DSCAM: variants seen among roughly 807,000 people sequenced by gnomAD.
DSCAM encodes the protein DS cell adhesion molecule.
In DSCAM, 47 loss-of-function variants were observed where a neutral mutation model predicts 217.7. That is an observed-to-expected ratio of 0.22 (90% CI 0.17 to 0.28). The LOEUF is 0.28. Among genes scored for constraint, DSCAM ranks in the 10% least tolerant of loss-of-function variants. The pLI, the probability that DSCAM is intolerant of heterozygous loss-of-function variation, is 1.00. For missense variants in DSCAM, 2,080 were observed against 2,618.3 expected (o/e 0.79, Z 4.49); for synonymous variants, 1,056 against 1,015.3 (o/e 1.04, Z -0.76).
At chr21:40,506,770 G>A (rs1389666159) in intron 3 of DSCAM, among the ~76,000 whole-genome samples, 1 of 152,156 alleles carries the variant, frequency 6.6e-6, no homozygotes, top group Non-Finnish European at 1.5e-5. Context: ...GGAAACATCA[G>A]ATTGGTGGTT....
At chr21:40,199,576 T>C (rs1207812597) in intron 11 of DSCAM, among the ~76,000 whole-genome samples, 1 of 152,232 alleles carries the variant, frequency 6.6e-6, no homozygotes, top group Non-Finnish European at 1.5e-5. Context: ...ATCACCACAC[T>C]GTTTTCCACA....
chr21:40,478,889 A>C (rs1237916267), intron 3 of DSCAM, among the ~76,000 whole-genome samples: 1 of 152,252 alleles, frequency 6.6e-6, no homozygotes, highest in Non-Finnish European at 1.5e-5. Context: ...ATTAACAACA[A>C]TAAATAATAA....
chr21:40,741,515 G>A (rs2146543464), intron 1 of DSCAM, among the ~76,000 whole-genome samples: 1 of 146,882 alleles, frequency 6.8e-6, no homozygotes, highest in South Asian at 2.5e-4. Flanking sequence ...TTACCTGAGT[G>A]ATTACTAGAA....
intron 11 of DSCAM, among the ~76,000 whole-genome samples, chr21:40,266,504 C>T (rs1000189126): frequency 6.6e-6 from 1 of 151,400 alleles, no homozygotes; most frequent in Non-Finnish European, 1.5e-5. Flanking sequence ...TACTGGGTAT[C>T]TATCCAAAGG....
At chr21:40,505,232 C>T (rs1005010202) in intron 3 of DSCAM, among the ~76,000 whole-genome samples, 3 of 152,172 alleles carry the variant, frequency 2.0e-5, no homozygotes, top group African/African-American at 4.8e-5. Context: ...TGACAGGCAG[C>T]TGGGTTCAAA....
At chr21:40,227,979 C>A (rs2091348069) in intron 11 of DSCAM, among the ~76,000 whole-genome samples, 1 of 152,198 alleles carries the variant, frequency 6.6e-6, no homozygotes, top group Admixed American at 6.5e-5. Context: ...AGCAGTTTCT[C>A]AGACTTTCTG....
rs146437441 is a variant in DSCAM at position 40,270,432 on chromosome 21, T to C, written c.2356+5665A>G. Among the ~76,000 whole-genome samples the C allele has an allele frequency of 3.0e-3, 463 of 152,230 alleles. 1 individual carries two copies. The highest frequency in any genetic ancestry group is 0.011 in the African/African-American group (448 of 41,548). On this transcript the variant is annotated intron_variant, in intron 11 of 32. Coordinates refer to ENST00000400454, the MANE Select transcript of DSCAM (RefSeq NM_001389.5). ...TGTTGCATATGTGCAGGATAAATTG[T>C]TGGGGGAGGACTGCTGGGGGTGCTG...
intron 3 of DSCAM, among the ~76,000 whole-genome samples, chr21:40,440,102 C>G (rs1012993385): frequency 6.6e-5 from 10 of 152,190 alleles, no homozygotes; most frequent in African/African-American, 2.2e-4. Flanking sequence ...GAACATGTAT[C>G]TGCACATTAA....
chr21:40,202,132 GAGA>G (rs1199712041), intron 11 of DSCAM, among the ~76,000 whole-genome samples: 1 of 152,182 alleles, frequency 6.6e-6, no homozygotes, highest in East Asian at 1.9e-4. Flanking sequence ...AGAGGACCAT[GAGA>G]AGGACAAGTC....
At chr21:40,147,908 C>T (rs2090377239) in intron 16 of DSCAM, among the ~76,000 whole-genome samples, 1 of 151,996 alleles carries the variant, frequency 6.6e-6, no homozygotes, top group South Asian at 2.1e-4. Flanking sequence ...TGTTAGACAC[C>T]TTCACAATAT....
intron 1 of DSCAM, among the ~76,000 whole-genome samples, chr21:40,808,312 C>A (rs2091806166): frequency 6.6e-6 from 1 of 151,970 alleles, no homozygotes; most frequent in Non-Finnish European, 1.5e-5. Flanking sequence ...AACATACAGA[C>A]CCAAAGTTCA....
At chr21:40,132,869 G>T (rs1398005569) in intron 19 of DSCAM, among the ~76,000 whole-genome samples, 1 of 152,146 alleles carries the variant, frequency 6.6e-6, no homozygotes, top group African/African-American at 2.4e-5. Context: ...CTAGTAGTGG[G>T]GGAGATAGCA....
chr21:40,605,323 T>C (rs1041536336), intron 3 of DSCAM, among the ~76,000 whole-genome samples: 4 of 152,180 alleles, frequency 2.6e-5, no homozygotes, highest in African/African-American at 9.7e-5. Context: ...TGGTTTGCCC[T>C]GTGACCTCAA....
Position 40,315,894 on chromosome 21 carries a change from C to T in DSCAM, c.1784-3535G>A, listed in dbSNP as rs186440236. Among the ~76,000 whole-genome samples, 31 of 152,116 alleles carry T rather than the reference C, an allele frequency of 2.0e-4. No homozygotes were observed. The East Asian group carries it at 3.1e-3, about 15-fold the overall frequency. ...GGGCTTAGTAAGAAGCCACAATTGGCAAGCAAAAGGAGGAGGGTGAGAAAC... is the reference window on the plus strand; with the variant it reads ...GGGCTTAGTAAGAAGCCACAATTGGTAAGCAAAAGGAGGAGGGTGAGAAAC... On this transcript the variant is annotated intron_variant, in intron 8 of 32. Coordinates refer to ENST00000400454, the MANE Select transcript of DSCAM (RefSeq NM_001389.5).
Position 40,012,907 on chromosome 21 carries a change from C to CTTTTTT in DSCAM, c.*121_*126dup, listed in dbSNP as rs11451228. The CTTTTTT allele has an allele frequency of 1.8e-6, 1 of 552,954 alleles. No individual in the cohort carries two copies. The highest frequency in any genetic ancestry group is 2.0e-5 in the African/African-American group (1 of 49,314). The allele number at this position is 552,954 out of a possible 1,614,324, so 34.3% of individuals were successfully genotyped here. On this transcript the variant is annotated 3_prime_UTR_variant, in exon 33 of 33. Transcript: ENST00000400454. The stretch of plus-strand genomic sequence containing the variant: ...ACTGTCTGTGGTTTCAGTATTTTCT[C>CTTTTTT]TTTTTTTTTTTTAATATATTTTGGC...
intron 3 of DSCAM, among the ~76,000 whole-genome samples, chr21:40,587,048 T>C (rs1022955808): frequency 1.9e-4 from 29 of 151,954 alleles, no homozygotes; most frequent in African/African-American, 6.5e-4. Context: ...TTTTTAAATC[T>C]AGTAAAATTA....
intron 11 of DSCAM, among the ~76,000 whole-genome samples, chr21:40,195,123 A>G (rs912443877): frequency 2.6e-5 from 4 of 152,314 alleles, no homozygotes; most frequent in African/African-American, 9.6e-5. Context: ...TTGTCACTGT[A>G]CGTTTTGACA....
intron 32 of DSCAM, among the ~76,000 whole-genome samples, chr21:40,022,745 T>C (rs1002214333): frequency 9.9e-5 from 15 of 151,986 alleles, no homozygotes; most frequent in Admixed American, 4.6e-4. Context: ...CTTGGTGCTC[T>C]TGCCTTTAGA....
chr21:40,109,603 G>T (rs983844739), intron 20 of DSCAM, among the ~76,000 whole-genome samples: 2 of 152,238 alleles, frequency 1.3e-5, no homozygotes, highest in Non-Finnish European at 1.5e-5. Flanking sequence ...CGAGCATGAG[G>T]CAAAGCAGGG....
Sources: allele counts gnomAD v4.1 joint callset (sites outside exome capture counted in the v4.1 genomes callset), GRCh38; gene constraint gnomAD v4.1.1; transcripts MANE v1.5; gene names NCBI Gene and HGNC (gene_info 2026-07-23, HGNC 2026-07-21).